The following CMSS1 variants were observed in gnomAD, a reference collection of about 807,000 sequenced individuals.
The protein encoded by CMSS1 is protein CMSS1.
In CMSS1, 33 loss-of-function variants were observed where a neutral mutation model predicts 43.5. The observed-to-expected ratio is 0.76, with a 90% CI of 0.57 to 1.01. The LOEUF is 1.01. Ranked by LOEUF, CMSS1 falls within the 50% of genes least tolerant of loss-of-function variation. The pLI, the probability that CMSS1 is intolerant of heterozygous loss-of-function variation, is 0.00. For missense variants in CMSS1, 313 were observed against 326.4 expected, an observed-to-expected ratio of 0.96 and a Z score of 0.32; for synonymous variants, 115 against 117.2, an observed-to-expected ratio of 0.98 and a Z score of 0.12.
intron 1 of CMSS1, among the ~76,000 whole-genome samples, chr3:100,091,154 G>A (rs546884492): frequency 5.9e-5 from 9 of 151,264 alleles, no homozygotes; most frequent in Admixed American, 2.6e-4. Context: ...GCATGGTGGC[G>A]GGCACCTGTA....
rs529264147 is a variant in CMSS1 at position 99,938,581 on chromosome 3, A to G, written c.64+120538A>G. 5.9e-5 allele frequency among the ~76,000 whole-genome samples: 9 copies of G among 152,318 alleles called. No individual in the cohort carries two copies. The South Asian group carries it at 1.5e-3, about 25-fold the overall frequency. ...TACATTTGCACTTGCATTTCCCCCT[A>G]TCTTTACACAGAACCTTTAAGCTAA... On this transcript the variant is annotated intron_variant, in intron 1 of 9. Transcript: ENST00000421999.
At chr3:99,846,684 G>A (rs557527573) in intron 1 of CMSS1, among the ~76,000 whole-genome samples, 9 of 152,208 alleles carry the variant, frequency 5.9e-5, no homozygotes, top group African/African-American at 2.2e-4. Flanking sequence ...CACCATGGAA[G>A]TGTTTCTGTC....
chr3:99,953,665 T>A (rs1708241808), intron 1 of CMSS1, among the ~76,000 whole-genome samples: 2 of 152,188 alleles, frequency 1.3e-5, no homozygotes, highest in African/African-American at 4.8e-5. Context: ...ATGCTATAAA[T>A]ATATTTGAAA....
At chr3:100,057,169 T>C (rs2065479104) in intron 1 of CMSS1, among the ~76,000 whole-genome samples, 1 of 152,146 alleles carries the variant, frequency 6.6e-6, no homozygotes, top group South Asian at 2.1e-4. Flanking sequence ...TGTATAATCT[T>C]TGCCTGCCAC....
intron 1 of CMSS1, among the ~76,000 whole-genome samples, chr3:100,026,958 T>G (rs2064934714): frequency 6.6e-6 from 1 of 152,148 alleles, no homozygotes; most frequent in African/African-American, 2.4e-5. Flanking sequence ...GCAGCTACAT[T>G]GGCCTCCTGT....
At chr3:100,087,565 T>C (rs2066031815) in intron 1 of CMSS1, among the ~76,000 whole-genome samples, 1 of 152,150 alleles carries the variant, frequency 6.6e-6, no homozygotes, top group African/African-American at 2.4e-5. Context: ...ACCTTTTGCT[T>C]TTTTTGTTTA....
At chr3:100,125,260 C>G (rs1301959686) in intron 1 of CMSS1, among the ~76,000 whole-genome samples, 2 of 152,166 alleles carry the variant, frequency 1.3e-5, no homozygotes, top group Non-Finnish European at 2.9e-5. Flanking sequence ...CTTCAGTCAT[C>G]TTTTGCACTT....
At chr3:100,023,668 A>G (rs1337357902) in intron 1 of CMSS1, 1 of 152,274 alleles carries the variant, frequency 6.6e-6, no homozygotes, top group East Asian at 1.9e-4. Context: ...GTAAGGCTTG[A>G]TTTATGGAGT....
chr3:99,840,157 T>C (rs1024840743), intron 1 of CMSS1, among the ~76,000 whole-genome samples: 17 of 151,556 alleles, frequency 1.1e-4, no homozygotes, highest in Non-Finnish European at 1.6e-4. Context: ...AGTCCTAAAG[T>C]TGAAAGAATA....
chr3:99,958,323 G>A (rs1708397799), intron 1 of CMSS1, among the ~76,000 whole-genome samples: 3 of 151,458 alleles, frequency 2.0e-5, no homozygotes, highest in Admixed American at 2.0e-4. Context: ...CAGCCACCCA[G>A]GGTCTATTTT....
At chr3:99,832,452 G>C (rs770096680) in intron 1 of CMSS1, among the ~76,000 whole-genome samples, 5 of 146,454 alleles carry the variant, frequency 3.4e-5, no homozygotes, top group Non-Finnish European at 7.5e-5. Flanking sequence ...GGATGATCTC[G>C]ATCTCCTGAC....
chr3:99,828,450 CTT>C (rs540949688), intron 1 of CMSS1, among the ~76,000 whole-genome samples: 9 of 137,232 alleles, frequency 6.6e-5, no homozygotes, highest in East Asian at 2.1e-4. Flanking sequence ...TCACTGCACC[CTT>C]TTTTTTTTTT....
At chr3:99,964,809 C>A (rs73138610) in intron 1 of CMSS1, among the ~76,000 whole-genome samples, 22 of 152,014 alleles carry the variant, frequency 1.4e-4, no homozygotes, top group African/African-American at 5.1e-4. Context: ...GGGATCATAC[C>A]TTCACACACC....
At chr3:99,830,625 C>A (rs775782838) in intron 1 of CMSS1, 1 of 456,198 alleles carries the variant, frequency 2.2e-6, no homozygotes, top group Admixed American at 2.4e-5. Context: ...AACAAGAGAA[C>A]AAAAGGTAAT....
At chr3:99,933,074 C>T (rs1354299911) in intron 1 of CMSS1, among the ~76,000 whole-genome samples, 1 of 152,188 alleles carries the variant, frequency 6.6e-6, no homozygotes, top group South Asian at 2.1e-4. Flanking sequence ...AATGGAAGCA[C>T]GGGAAACTTA....
chr3:99,951,082 T>G (rs1268157074), intron 1 of CMSS1, among the ~76,000 whole-genome samples: 1 of 152,184 alleles, frequency 6.6e-6, no homozygotes, highest in African/African-American at 2.4e-5. Context: ...TTGAGTTAAG[T>G]CACTTACACT....
chr3:100,033,729 A>C (rs1033007057), intron 1 of CMSS1, among the ~76,000 whole-genome samples: 1 of 152,188 alleles, frequency 6.6e-6, no homozygotes, highest in Non-Finnish European at 1.5e-5. Context: ...AAAAAACCTG[A>C]TATATTGAAA....
At chr3:100,169,501 T>C (rs1291833047) in intron 6 of CMSS1, among the ~76,000 whole-genome samples, 1 of 152,212 alleles carries the variant, frequency 6.6e-6, no homozygotes, top group African/African-American at 2.4e-5. Context: ...TCAATAGTTA[T>C]TTACATCTGT....
chr3:100,078,092 A>G (rs1184889862), intron 1 of CMSS1, among the ~76,000 whole-genome samples: 1 of 152,012 alleles, frequency 6.6e-6, no homozygotes, highest in African/African-American at 2.4e-5. Flanking sequence ...AAAAAAAAAG[A>G]TAATATATGC....
Sources: allele counts gnomAD v4.1 joint callset (sites outside exome capture counted in the v4.1 genomes callset), GRCh38; gene constraint gnomAD v4.1.1; transcripts MANE v1.5; gene names NCBI Gene and HGNC (gene_info 2026-07-23, HGNC 2026-07-21).